CCDC73: variants seen among roughly 807,000 people sequenced by gnomAD.
CCDC73 encodes the protein coiled-coil domain containing 73.
In CCDC73, 95 loss-of-function variants were observed where a neutral mutation model predicts 116.5. That is an observed-to-expected ratio of 0.82 (90% CI 0.69 to 0.97). The LOEUF (loss-of-function observed/expected upper bound fraction) is 0.97, where lower values mean the gene tolerates loss of function less well. Ranked by LOEUF, CCDC73 falls within the 50% of genes least tolerant of loss-of-function variation. CCDC73 has a pLI of 0.00. For missense variants in CCDC73, 1,066 were observed against 1,206.8 expected (o/e 0.88, Z 1.73); for synonymous variants, 398 against 401.3 (o/e 0.99, Z 0.10).
At chr11:32,790,660 T>C (rs556678131) in intron 1 of CCDC73, among the ~76,000 whole-genome samples, 11 of 135,622 alleles carry the variant, frequency 8.1e-5, no homozygotes, top group African/African-American at 2.6e-4. Flanking sequence ...ACCAAATTTC[T>C]CCTTGTTTTA....
intron 9 of CCDC73, among the ~76,000 whole-genome samples, chr11:32,656,682 T>C (rs1328235122): frequency 3.3e-5 from 5 of 152,236 alleles, no homozygotes; most frequent in African/African-American, 4.8e-5. Flanking sequence ...GCTGGTTTTA[T>C]GCTATAGTCT....
chr11:32,817,163 G>A, the CCDC73 span, among the ~76,000 whole-genome samples: 4 of 152,224 alleles, frequency 2.6e-5, no homozygotes, highest in South Asian at 2.1e-4. Context: ...AGCTAGTGAC[G>A]AGAAGAGAAA....
At chr11:32,710,399 G>A (rs1283734154) in intron 3 of CCDC73, among the ~76,000 whole-genome samples, 1 of 152,132 alleles carries the variant, frequency 6.6e-6, no homozygotes, top group Non-Finnish European at 1.5e-5. Flanking sequence ...ACTTCATTCA[G>A]TTCAAAGAAT....
intron 7 of CCDC73, chr11:32,680,579 T>C (rs2133292573): frequency 6.6e-6 from 1 of 152,216 alleles, no homozygotes; most frequent in African/African-American, 2.4e-5. Context: ...CTTGAAGCAT[T>C]TAAAATGGGA....
At chr11:32,683,427 T>C in intron 7 of CCDC73, 109 bp downstream of exon 7, 1 of 739,178 alleles carries the variant, frequency 1.4e-6, no homozygotes, top group Non-Finnish European at 2.5e-6. Flanking sequence ...TAATATTCAG[T>C]TTCAACAATT....
At chr11:32,796,883 G>A (rs544834166), upstream of CCDC73, among the ~76,000 whole-genome samples, 5 of 152,020 alleles carry the variant, frequency 3.3e-5, no homozygotes, top group African/African-American at 9.6e-5. Flanking sequence ...GGTGGCAGGT[G>A]CCTGTGTAAT....
intron 6 of CCDC73, among the ~76,000 whole-genome samples, chr11:32,684,060 T>TTGTA (rs1429018093): frequency 6.6e-6 from 1 of 152,040 alleles, no homozygotes; most frequent in African/African-American, 2.4e-5. Flanking sequence ...GTTTGTTTGT[T>TTGTA]TGTTTTTAAG....
chr11:32,607,405 T>C (rs904668125), intron 17 of CCDC73, among the ~76,000 whole-genome samples: 1 of 152,216 alleles, frequency 6.6e-6, no homozygotes, highest in Non-Finnish European at 1.5e-5. Context: ...AAATAAATTC[T>C]TAAAAGCAAC....
intron 14 of CCDC73, among the ~76,000 whole-genome samples, chr11:32,635,061 T>G (rs753174985): frequency 6.6e-6 from 1 of 152,178 alleles, no homozygotes; most frequent in African/African-American, 2.4e-5. Context: ...AAATTTAACC[T>G]AAAATTTCCA....
At chr11:32,740,273 GTTC>G (rs1401982834) in intron 2 of CCDC73, among the ~76,000 whole-genome samples, 4 of 151,944 alleles carry the variant, frequency 2.6e-5, no homozygotes, top group African/African-American at 9.7e-5. Context: ...ATTGGTATTA[GTTC>G]TTCTTTAAAT....
At chr11:32,817,476 A>G in the CCDC73 span, among the ~76,000 whole-genome samples, 65 of 152,350 alleles carry the variant, frequency 4.3e-4, no homozygotes, top group South Asian at 6.2e-3. Context: ...TTAATGGGAA[A>G]AAGTGGTTGT....
chr11:32,695,903 C>G (rs548315693), intron 6 of CCDC73, among the ~76,000 whole-genome samples: 2 of 145,774 alleles, frequency 1.4e-5, no homozygotes, highest in Non-Finnish European at 3.0e-5. Flanking sequence ...GAAAAGAAAA[C>G]AGAGGAGTTT....
intron 1 of CCDC73, among the ~76,000 whole-genome samples, chr11:32,777,525 G>A (rs1018206342): frequency 1.3e-5 from 2 of 152,086 alleles, no homozygotes; most frequent in African/African-American, 4.8e-5. Flanking sequence ...CAGCACTGTT[G>A]AAGGCTTACA....
At chr11:32,763,069 G>A (rs1850406447) in intron 1 of CCDC73, among the ~76,000 whole-genome samples, 1 of 152,126 alleles carries the variant, frequency 6.6e-6, no homozygotes, top group South Asian at 2.1e-4. Flanking sequence ...CACCATTGCT[G>A]AGGCTTCAGT....
intron 2 of CCDC73, among the ~76,000 whole-genome samples, chr11:32,755,761 CTCCATATATATGTGTATATATATATA>C: frequency 1.0e-5 from 1 of 97,624 alleles, no homozygotes; most frequent in African/African-American, 4.6e-5. Context: ...ATATATATAT[CTCCATATATATGTGTATATATATATA>C]TCTCCATATA....
chr11:32,631,777 C>T (rs1184441386), intron 14 of CCDC73, among the ~76,000 whole-genome samples: 3 of 152,134 alleles, frequency 2.0e-5, no homozygotes, highest in African/African-American at 7.2e-5. Context: ...ATTGAGGCTG[C>T]AGTGAGGTGT....
At chr11:32,779,451 A>G (rs921239820) in intron 1 of CCDC73, among the ~76,000 whole-genome samples, 1 of 152,342 alleles carries the variant, frequency 6.6e-6, no homozygotes, top group African/African-American at 2.4e-5. Context: ...TAATGTGACC[A>G]GCACCTGGAT....
At chr11:32,820,161 C>CTTT in the CCDC73 span, among the ~76,000 whole-genome samples, 4 of 151,430 alleles carry the variant, frequency 2.6e-5, no homozygotes, top group African/African-American at 9.7e-5. Flanking sequence ...TGAACTGGAA[C>CTTT]TTTTTTTTTG....
At chr11:32,665,015 T>C (rs1274365323) in intron 9 of CCDC73, among the ~76,000 whole-genome samples, 5 of 152,168 alleles carry the variant, frequency 3.3e-5, no homozygotes, top group Non-Finnish European at 7.4e-5. Flanking sequence ...GCACTGTGGT[T>C]TGAGAGACAG....
Sources: allele counts gnomAD v4.1 joint callset (sites outside exome capture counted in the v4.1 genomes callset), GRCh38; gene constraint gnomAD v4.1.1; transcripts MANE v1.5; gene names NCBI Gene and HGNC (gene_info 2026-07-23, HGNC 2026-07-21).